The following LRP1B variants were observed in gnomAD, a reference collection of about 807,000 sequenced individuals.
LRP1B encodes the protein low-density lipoprotein receptor-related protein 1B.
In LRP1B, 217 loss-of-function variants were observed where a neutral mutation model predicts 556.6. That is an observed-to-expected ratio of 0.39 (90% CI 0.35 to 0.44). The LOEUF (loss-of-function observed/expected upper bound fraction) is 0.44, where lower values mean the gene tolerates loss of function less well. Among genes scored for constraint, LRP1B ranks in the 20% least tolerant of loss-of-function variants. The pLI is 1.00. For synonymous variants in LRP1B, 2,047 were observed against 1,865.8 expected, an observed-to-expected ratio of 1.10 and a Z score of -2.50; for missense variants, 5,053 against 5,620.8, an observed-to-expected ratio of 0.90 and a Z score of 3.23.
chr2:142,036,058 C>G (rs891595144), intron 1 of LRP1B, among the ~76,000 whole-genome samples: 1 of 151,708 alleles, frequency 6.6e-6, no homozygotes, highest in Admixed American at 6.6e-5. Flanking sequence ...AAATGTAAAT[C>G]CAATTAAACC....
intron 13 of LRP1B, among the ~76,000 whole-genome samples, chr2:141,014,143 T>A (rs1697834965): frequency 6.6e-6 from 1 of 152,092 alleles, no homozygotes; most frequent in Non-Finnish European, 1.5e-5. Context: ...TAATCATGTG[T>A]ATTACAAAAT....
chr2:140,652,642 T>G (rs34984492), intron 41 of LRP1B, among the ~76,000 whole-genome samples: 1 of 151,812 alleles, frequency 6.6e-6, no homozygotes, highest in African/African-American at 2.4e-5. Flanking sequence ...GCGACAAAGA[T>G]TAGAAAAGAA....
intron 41 of LRP1B, among the ~76,000 whole-genome samples, chr2:140,669,941 G>C (rs1469863787): frequency 6.6e-6 from 1 of 152,070 alleles, no homozygotes; most frequent in African/African-American, 2.4e-5. Context: ...GAATCTTGTA[G>C]AGACAGTACA....
chr2:141,905,754 G>A (rs897345767), intron 1 of LRP1B, among the ~76,000 whole-genome samples: 1 of 97,528 alleles, frequency 1.0e-5, no homozygotes, highest in African/African-American at 3.2e-5. Flanking sequence ...AAATGGATCT[G>A]GTTTGAATAG....
chr2:141,551,144 T>A (rs1005626906), intron 2 of LRP1B, among the ~76,000 whole-genome samples: 1 of 152,064 alleles, frequency 6.6e-6, no homozygotes, highest in Non-Finnish European at 1.5e-5. Context: ...AAATATTACA[T>A]AGATGTGTAT....
intron 1 of LRP1B, among the ~76,000 whole-genome samples, chr2:142,092,380 A>G (rs1037475402): frequency 6.6e-6 from 1 of 152,144 alleles, no homozygotes; most frequent in Non-Finnish European, 1.5e-5. Flanking sequence ...TATTATGTAC[A>G]GTGGTTATTT....
chr2:141,130,727 A>C (rs909266910), intron 7 of LRP1B, among the ~76,000 whole-genome samples: 1 of 152,168 alleles, frequency 6.6e-6, no homozygotes, highest in African/African-American at 2.4e-5. Flanking sequence ...TGGTTGAACT[A>C]ATTTACACTC....
rs2104967341 is a variant in LRP1B at position 140,525,891 on chromosome 2, T to C, written c.7979A>G (p.Asp2660Gly). 1.2e-6 allele frequency: 2 copies of C among 1,612,466 alleles called. No individual in the cohort carries two copies. The highest frequency in any genetic ancestry group is 1.7e-6 in the Non-Finnish European group (2 of 1,178,894). The change falls in exon 49 of 91, where the codon GAC becomes GGC. Residue 2660 changes from aspartate to glycine, a missense_variant. Around this residue, in one of 5 missense-constraint regions of LRP1B, gnomAD observed 3,619 missense variants for 3,931.9 expected, o/e 0.92. Coordinates refer to ENST00000389484, the MANE Select transcript of LRP1B (RefSeq NM_018557.3). The stretch of plus-strand genomic sequence containing the variant: ...ATAGTCTCCACAGTCATTAGACCCG[T>C]CGCATATCCAGGTTGGCAGAACACA... Reference protein sequence around the residue: ...SLCVLPTWICDGSNDCGDYSD... With the variant: ...SLCVLPTWICGGSNDCGDYSD...
rs957156522 is a variant in LRP1B, at chr2:141,962,527, G to A, written c.83-152126C>T. On this transcript the variant is annotated intron_variant, in intron 1 of 90. Coordinates refer to ENST00000389484, the MANE Select transcript of LRP1B (RefSeq NM_018557.3). ...AAATATTCAACTACAACCTACAGAG[G>A]TGACCGTCCATAGCAAAGTTGCCAA... Among the ~76,000 whole-genome samples, 8 of 151,728 alleles carry A rather than the reference G, an allele frequency of 5.3e-5. No individual in the cohort carries two copies. In the East Asian group the frequency reaches 5.8e-4, roughly 11 times the overall value.
At chr2:141,753,673 C>T (rs776950200) in intron 2 of LRP1B, among the ~76,000 whole-genome samples, 4 of 152,076 alleles carry the variant, frequency 2.6e-5, no homozygotes, top group African/African-American at 4.8e-5. Context: ...CAAGTCACTT[C>T]GTTATTGAAA....
intron 33 of LRP1B, among the ~76,000 whole-genome samples, chr2:140,773,475 T>C (rs74964632): frequency 0.047 from 7,193 of 151,602 alleles, 195 homozygotes; most frequent in Non-Finnish European, 0.05. Flanking sequence ...TCTCAAAAAA[T>C]AGATAAATAA....
chr2:141,505,345 G>A (rs756767803), intron 2 of LRP1B, among the ~76,000 whole-genome samples: 7 of 151,966 alleles, frequency 4.6e-5, no homozygotes, highest in East Asian at 3.9e-4. Context: ...CTAGGGCCTC[G>A]TCTTTCTCAG....
In LRP1B at chr2:140,371,133, C is replaced by A. The variant is rs376075929; in HGVS notation, c.10875+46G>T. 78 of 1,274,966 alleles carry A rather than the reference C, an allele frequency of 6.1e-5. No individual in the cohort carries two copies. The East Asian group carries it at 1.4e-3, about 23-fold the overall frequency. 79.0% of individuals were successfully genotyped at this position (1,274,966 alleles called of 1,614,324 possible). On this transcript the variant is annotated intron_variant, in intron 70 of 90. Transcript: ENST00000389484. ...TTTTCATTACATTTGTTTGCCCAAACCTAATTCATGTAATTCAAATATTTT... is the reference window on the plus strand; with the variant it reads ...TTTTCATTACATTTGTTTGCCCAAAACTAATTCATGTAATTCAAATATTTT...
intron 2 of LRP1B, among the ~76,000 whole-genome samples, chr2:141,807,269 CT>C (rs5834870): frequency 0.55 from 82,820 of 151,362 alleles, 23,647 homozygotes; most frequent in African/African-American, 0.72. Flanking sequence ...TTTCATAACG[CT>C]TTTTTTTTCT....
chr2:141,410,242 T>G (rs970652019), intron 3 of LRP1B, among the ~76,000 whole-genome samples: 6 of 152,066 alleles, frequency 3.9e-5, no homozygotes, highest in Non-Finnish European at 7.4e-5. Context: ...ATCCCCATTG[T>G]AGGGCACAAT....
rs543243070 is a variant in LRP1B at position 141,694,695 on chromosome 2, A to C, written c.205+115584T>G. Among the ~76,000 whole-genome samples, 4 of 152,128 alleles carry C rather than the reference A, an allele frequency of 2.6e-5. No individual in the cohort carries two copies. The South Asian group carries it at 6.2e-4, about 24-fold the overall frequency. On this transcript the variant is annotated intron_variant, in intron 2 of 90. Transcript: ENST00000389484. ...CTCTTTTAGACATCACTTGGGAACA[A>C]ATGGTGCTCTTTAGAAAGCACAATG... is the stretch of plus-strand genomic sequence containing the variant.
At chr2:140,623,021 G>A (rs896841205) in intron 41 of LRP1B, among the ~76,000 whole-genome samples, 2 of 152,066 alleles carry the variant, frequency 1.3e-5, no homozygotes, top group African/African-American at 2.4e-5. Context: ...TTTCACACAA[G>A]AACAATTTAC....
intron 85 of LRP1B, among the ~76,000 whole-genome samples, chr2:140,271,255 G>C (rs1682447990): frequency 6.6e-6 from 1 of 151,878 alleles, no homozygotes; most frequent in Non-Finnish European, 1.5e-5. Context: ...GTCAAAACCA[G>C]AATTAACAAC....
intron 1 of LRP1B, among the ~76,000 whole-genome samples, chr2:141,852,607 G>A (rs1340555210): frequency 1.3e-5 from 2 of 151,512 alleles, no homozygotes; most frequent in African/African-American, 2.4e-5. Flanking sequence ...GAGACCAATA[G>A]GTCAATAGAA....
Sources: gnomAD v4.1 joint callset for allele counts (sites outside exome capture counted in the v4.1 genomes callset) on GRCh38, gnomAD v4.1.1 for gene constraint, gnomAD v4.1.1 regional missense constraint, MANE v1.5 for transcripts, NCBI Gene and HGNC (gene_info 2026-07-23, HGNC 2026-07-21) for gene names.